IRF8: variants seen among roughly 807,000 people sequenced by gnomAD.
IRF8 encodes interferon consensus sequence binding protein 1.
In IRF8, 14 loss-of-function variants were observed where a neutral mutation model predicts 48.7. That is an observed-to-expected ratio of 0.29 (90% confidence interval 0.19 to 0.45). IRF8 has a LOEUF of 0.45. Among genes scored for constraint, IRF8 ranks in the 20% least tolerant of loss-of-function variants. The probability of loss-of-function intolerance (pLI) is 1.00; values close to 1 mark genes in which losing one functional copy is unlikely to be tolerated. For missense variants in IRF8, 493 were observed against 580.7 expected (o/e 0.85, Z 1.55); for synonymous variants, 278 against 227.3 (o/e 1.22, Z -2.01).
rs1410456004 is a variant in IRF8 at position 85,922,366 on chromosome 16, A to G, written c.*1084A>G. The G allele has an allele frequency of 2.0e-5, 3 of 152,370 alleles. No homozygotes were observed. Among genetic ancestry groups the G allele is most frequent in the African/African-American group, 7.2e-5 (3 of 41,458 alleles). 9.4% of individuals were successfully genotyped at this position (152,370 alleles called of 1,614,324 possible). On this transcript the variant is annotated 3_prime_UTR_variant, in exon 9 of 9. Transcript: ENST00000268638. Reference sequence around the variant, plus strand: ...ACGTGTGGATGGAGTTCACAGGCGAATAGAGGAGAGGACCAGGGGACGTGG... The same window carrying G: ...ACGTGTGGATGGAGTTCACAGGCGAGTAGAGGAGAGGACCAGGGGACGTGG...
At chr16:85,911,395 G>C (rs1170367845) in intron 3 of IRF8, among the ~76,000 whole-genome samples, 175 bp from the exon 4 acceptor site, 1 of 152,142 alleles carries the variant, frequency 6.6e-6, no homozygotes, top group Non-Finnish European at 1.5e-5. Flanking sequence ...TTTTGACTTT[G>C]CTGATCAGAT....
chr16:85,907,808 G>A (rs1025369263), intron 2 of IRF8, among the ~76,000 whole-genome samples: 2 of 152,258 alleles, frequency 1.3e-5, no homozygotes, highest in Admixed American at 6.5e-5. Context: ...AAGCTTCCCA[G>A]GGGCAGGGGG....
In IRF8 at chr16:85,914,519, A is replaced by G. The variant is rs549303009; in HGVS notation, c.600A>G (p.Ser200=). ...ACACCACCTACGACGCGCACCATTC[A>G]GGTACGGGGTGGTCCGGGCTGAGAG... ...TGYTTYDAHH[S]AFSQMVISFY... is the part of the protein sequence containing the mutation. Residue 200 remains serine (S), a splice_region_variant and synonymous_variant, in exon 6 of 9, where the codon TCA becomes TCG. Coordinates refer to ENST00000268638, the MANE Select transcript of IRF8 (RefSeq NM_002163.4). 4 of 1,614,062 alleles carry G rather than the reference A, an allele frequency of 2.5e-6. No individual in the cohort carries two copies. The highest frequency in any genetic ancestry group is 2.2e-5 in the East Asian group (1 of 44,876).
chr16:85,902,918 C>G, intron 1 of IRF8, 97 bp from the exon 2 acceptor site: 1 of 1,360,046 alleles, frequency 7.4e-7, no homozygotes, highest in Non-Finnish European at 1.0e-6. Flanking sequence ...AGCACCTTTG[C>G]TGCAAACCTC....
intron 2 of IRF8, among the ~76,000 whole-genome samples, chr16:85,907,448 G>A (rs2152100267): frequency 6.6e-6 from 1 of 152,334 alleles, no homozygotes; most frequent in East Asian, 1.9e-4. Context: ...GGGAGGCCGA[G>A]GCAGGCGGAT....
chr16:85,899,377 A>T (rs1567873833), intron 1 of IRF8, among the ~76,000 whole-genome samples, 154 bp downstream of exon 1: 2 of 152,146 alleles, frequency 1.3e-5, no homozygotes, highest in East Asian at 1.9e-4. Context: ...CTTTTTGCCT[A>T]TTTTCCAGCC....
chr16:85,908,957 A>G lies in IRF8; in HGVS notation c.175-33A>G, dbSNP rs577350223. 2.5e-5 allele frequency: 40 copies of G among 1,590,960 alleles called. 1 individual carries two copies. In the South Asian group the frequency reaches 2.5e-4, roughly 10 times the overall value. On this transcript the variant is annotated intron_variant, in intron 2 of 8. Transcript: ENST00000268638. ...CGGATATTTGTGATTGGAGTCGGCCATGAATTTAATGTGCTTCTGTTTCTT... is the reference window on the plus strand; with the variant it reads ...CGGATATTTGTGATTGGAGTCGGCCGTGAATTTAATGTGCTTCTGTTTCTT...
intron 2 of IRF8, among the ~76,000 whole-genome samples, chr16:85,904,229 A>G (rs1904919492): frequency 6.6e-6 from 1 of 152,022 alleles, no homozygotes; most frequent in African/African-American, 2.4e-5. Context: ...ATGTGTGCTT[A>G]TTCTCTTGCA....
At chr16:85,914,353 G>A (rs1325225668) in intron 5 of IRF8, 120 bp from the exon 6 acceptor site, 40 of 1,125,010 alleles carry the variant, frequency 3.6e-5, no homozygotes, top group Non-Finnish European at 5.0e-5. Context: ...TGTGCTCCCT[G>A]GAGCCTCTGG....
Position 85,903,025 on chromosome 16 carries a change from C to G in IRF8, c.10C>G (p.Arg4Gly). The change falls in exon 2 of 9, where the codon CGG becomes GGG. Residue 4 changes from arginine (R) to glycine (G), a missense_variant. Around this residue, in one of 3 missense-constraint regions of IRF8, gnomAD observed 54 missense variants for 59.9 expected, o/e 0.90. Transcript: ENST00000268638. ...TTCTGTCTTTCCAAGGATGTGTGAC[C>G]GGAATGGTGGTCGGCGGCTTCGACA... Reference protein sequence around the residue: MCDRNGGRRLRQWL... With the variant: MCDGNGGRRLRQWL... 1 of 1,614,048 alleles carries G rather than the reference C, an allele frequency of 6.2e-7. No homozygotes were observed. The highest frequency in any genetic ancestry group is 8.5e-7 in the Non-Finnish European group (1 of 1,179,974).
rs78153238 is a variant in IRF8 at position 85,914,306 on chromosome 16, G to A, written c.554-167G>A. 2,713 of 738,754 alleles carry A rather than the reference G, an allele frequency of 3.7e-3. 46 individuals carry two copies. In the African/African-American group the frequency reaches 0.041, roughly 11 times the overall value. 45.8% of individuals were successfully genotyped at this position (738,754 alleles called of 1,614,324 possible). ...TGCATTTGTGAAACAATGGCTCTCT[G>A]CTCTGGTGGGGAAAAGCACTGAATT... On this transcript the variant is annotated intron_variant, in intron 5 of 8. Coordinates refer to ENST00000268638, the MANE Select transcript of IRF8 (RefSeq NM_002163.4).
chr16:85,900,174 G>A (rs1021059527), intron 1 of IRF8, among the ~76,000 whole-genome samples: 3 of 152,166 alleles, frequency 2.0e-5, no homozygotes, highest in African/African-American at 4.8e-5. Context: ...AGGCCAGAGC[G>A]AGTGCCCTGG....
At chr16:85,920,339 C>T (rs1037089388) in intron 8 of IRF8, 115 bp downstream of exon 8, 44 of 705,780 alleles carry the variant, frequency 6.2e-5, no homozygotes, top group Non-Finnish European at 9.6e-5. Context: ...CTCCGCCTCC[C>T]GGGTTCAAGT....
intron 2 of IRF8, among the ~76,000 whole-genome samples, chr16:85,905,558 A>G (rs1301247995): frequency 6.6e-6 from 1 of 152,286 alleles, no homozygotes; most frequent in Non-Finnish European, 1.5e-5. Context: ...CCACTGGAGC[A>G]GGGAGGCCAT....
chr16:85,902,794 G>A, intron 1 of IRF8: 2 of 603,844 alleles, frequency 3.3e-6, no homozygotes, highest in Non-Finnish European at 6.0e-6. Flanking sequence ...GGTGGCTGCA[G>A]GTTTCCCACG....
At position 85,920,157 on chromosome 16, in the gene IRF8, T is replaced by C; in HGVS notation, c.1037T>C (p.Val346Ala). 1.2e-6 allele frequency: 2 copies of C among 1,609,932 alleles called. No individual in the cohort carries two copies. The highest frequency in any genetic ancestry group is 2.2e-5 in the South Asian group (2 of 90,950). Reference protein sequence around the residue: ...NSQGRLPDGRVVLCFGEEFPD... With the variant: ...NSQGRLPDGRAVLCFGEEFPD... ...CAGGGCCGGCTTCCTGACGGCAGGG[T>C]GGTGCTGTGCTTTGGGGAAGAGTTT... The change falls in exon 8 of 9, where the codon GTG (valine) becomes GCG (alanine). Residue 346 changes from valine to alanine, a missense_variant. Around this residue, in one of 3 missense-constraint regions of IRF8, gnomAD observed 408 missense variants for 449.6 expected, o/e 0.91. Transcript: ENST00000268638.
In IRF8 at chr16:85,913,238, T is replaced by TGA; in HGVS notation, c.553+4_553+5dup. On this transcript the variant is annotated splice_region_variant and intron_variant, in intron 5 of 8. Coordinates refer to ENST00000268638, the MANE Select transcript of IRF8 (RefSeq NM_002163.4). The stretch of plus-strand genomic sequence containing the variant: ...GGTGGGCGCAGCAGCCCAGCACAGG[T>TGA]GAGGGTGGGTGGCCTAGAATTGTCA... 2 of 1,606,466 alleles carry TGA rather than the reference T, an allele frequency of 1.2e-6. No homozygotes were observed. Among genetic ancestry groups the TGA allele is most frequent in the Non-Finnish European group, 1.7e-6 (2 of 1,173,180 alleles).
rs768955460 is a variant in IRF8 at position 85,918,792 on chromosome 16, A to G, written c.977A>G (p.Gln326Arg). 1.2e-6 allele frequency: 2 copies of G among 1,608,838 alleles called. No individual in the cohort carries two copies. The highest frequency in any genetic ancestry group is 1.1e-5 in the South Asian group (1 of 91,088). Residue 326 changes from glutamine to arginine, a missense_variant, in exon 7 of 9, where the codon CAG becomes CGG. This residue lies in a region of IRF8 where 408 missense variants were observed against 449.6 expected (regional missense o/e 0.91). Coordinates refer to ENST00000268638, the MANE Select transcript of IRF8 (RefSeq NM_002163.4). ...GTGGTCCAGGTCTTCGACACCAGCC[A>G]GTTCTTCCGAGGTCTGTACCGTCGT... ...DEVVQVFDTS[Q>R]FFRELQQFYN...
chr16:85,899,830 A>T (rs1904770149), intron 1 of IRF8, among the ~76,000 whole-genome samples: 1 of 152,302 alleles, frequency 6.6e-6, no homozygotes, highest in African/African-American at 2.4e-5. Context: ...TATTGAAAGA[A>T]CATTGTTTGT....
Sources: gnomAD v4.1 joint callset for allele counts (sites outside exome capture counted in the v4.1 genomes callset) on GRCh38, gnomAD v4.1.1 for gene constraint, gnomAD v4.1.1 regional missense constraint, MANE v1.5 for transcripts, NCBI Gene and HGNC (gene_info 2026-07-23, HGNC 2026-07-21) for gene names.